The following PGPEP1L variants were observed in gnomAD, a reference collection of about 807,000 sequenced individuals.
PGPEP1L encodes pyroglutamyl-peptidase 1-like protein.
In PGPEP1L, 7 loss-of-function variants were observed where a neutral mutation model predicts 6.0. That is an observed-to-expected ratio of 1.17 (90% CI 0.66 to 2.19). The LOEUF (loss-of-function observed/expected upper bound fraction) is 2.19, where lower values mean the gene tolerates loss of function less well. Among genes scored for constraint, PGPEP1L ranks in the 30% most tolerant of loss-of-function variants. The probability of loss-of-function intolerance (pLI) is 0.00; values close to 1 mark genes in which losing one functional copy is unlikely to be tolerated. For missense variants in PGPEP1L, 209 were observed against 192.5 expected (o/e 1.09, Z -0.51); for synonymous variants, 103 against 83.9 (o/e 1.23, Z -1.24).
At chr15:98,986,447 G>C (rs2017748267) in intron 2 of PGPEP1L, among the ~76,000 whole-genome samples, 1 of 152,234 alleles carries the variant, frequency 6.6e-6, no homozygotes. Flanking sequence ...AGAGCTTCTT[G>C]ATGAGTGTCT....
At position 99,006,592 on chromosome 15, in the gene PGPEP1L, G is replaced by A. The variant is rs145241091; in HGVS notation, c.-370+767C>T. ...GCCTTTAATTTCAGCATTTTGAGAG[G>A]CCAAGGTAGGAGGATAGCCTGAGGC... On this transcript the variant is annotated intron_variant, in intron 1 of 4. Coordinates refer to ENST00000535714, the MANE Select transcript of PGPEP1L (RefSeq NM_001167902.2). Among the ~76,000 whole-genome samples the A allele has an allele frequency of 7.1e-3, 1,089 of 152,338 alleles. 13 individuals carry two copies. Among genetic ancestry groups the A allele is most frequent in the African/African-American group, 0.025 (1,038 of 41,578 alleles).
intron 2 of PGPEP1L, among the ~76,000 whole-genome samples, chr15:98,989,066 T>C (rs961493681): frequency 2.0e-5 from 3 of 152,142 alleles, no homozygotes; most frequent in Admixed American, 2.0e-4. Context: ...AAAACCAGAA[T>C]GCCTCTTCAC....
At chr15:98,973,205 T>A (rs1415256690) in intron 2 of PGPEP1L, among the ~76,000 whole-genome samples, 1 of 152,216 alleles carries the variant, frequency 6.6e-6, no homozygotes, top group Non-Finnish European at 1.5e-5. Context: ...AGCACCTGAA[T>A]ATATAAAACA....
At chr15:99,003,220 ACT>A (rs1372944245) in intron 2 of PGPEP1L, among the ~76,000 whole-genome samples, 13 of 149,840 alleles carry the variant, frequency 8.7e-5, no homozygotes, top group African/African-American at 3.2e-4. Context: ...AAAAAAAAGC[ACT>A]GAGAAGCCAG....
intron 2 of PGPEP1L, among the ~76,000 whole-genome samples, chr15:98,993,836 GAA>G (rs58824142): frequency 1.3e-5 from 2 of 150,320 alleles, no homozygotes; most frequent in Non-Finnish European, 3.0e-5. Context: ...ACAATTACAT[GAA>G]AAAAAAAGAG....
intron 2 of PGPEP1L, among the ~76,000 whole-genome samples, chr15:98,995,767 G>C (rs1555472447): frequency 2.6e-5 from 4 of 152,168 alleles, no homozygotes; most frequent in East Asian, 3.9e-4. Context: ...ATCAATTTTA[G>C]AATCTATCAC....
chr15:98,980,014 G>A (rs2017634461), intron 2 of PGPEP1L, among the ~76,000 whole-genome samples: 1 of 152,082 alleles, frequency 6.6e-6, no homozygotes. Context: ...ATGATACAAT[G>A]GACACTGGGG....
intron 1 of PGPEP1L, among the ~76,000 whole-genome samples, chr15:99,006,574 A>AT (rs2018067147): frequency 2.0e-5 from 3 of 152,262 alleles, no homozygotes; most frequent in Admixed American, 1.3e-4. Flanking sequence ...CACGCCTTTA[A>AT]TTTCAGCATT....
intron 2 of PGPEP1L, among the ~76,000 whole-genome samples, chr15:98,984,009 C>CTTTTTTTTTTTT (rs71456904): frequency 2.3e-4 from 27 of 115,782 alleles, no homozygotes; most frequent in Non-Finnish European, 2.9e-4. Context: ...AGTAAGTAGT[C>CTTTTTTTTTTTT]TTTTTTTTTT....
chr15:98,992,165 G>C (rs1044823419), intron 2 of PGPEP1L, among the ~76,000 whole-genome samples: 1 of 152,202 alleles, frequency 6.6e-6, no homozygotes, highest in South Asian at 2.1e-4. Context: ...AATTGTCTCT[G>C]TTTGCAGATG....
At chr15:98,976,622 CAT>C (rs774121218) in intron 2 of PGPEP1L, among the ~76,000 whole-genome samples, 70 of 152,230 alleles carry the variant, frequency 4.6e-4, no homozygotes, top group Non-Finnish European at 8.7e-4. Flanking sequence ...CAGATCAAAA[CAT>C]AGATGTTTTC....
At position 98,968,486 on chromosome 15, in the gene PGPEP1L, C is replaced by T. The variant is rs1436666384; in HGVS notation, c.421G>A (p.Gly141Arg). The change falls in exon 5 of 5, where the codon GGG (glycine) becomes AGG (arginine). Residue 141 changes from glycine to arginine, a missense_variant. Gly to Arg is a moderately radical substitution (Grantham distance 125). Transcript: ENST00000535714. ...ENSTMVLPAK[G>R]N ...GAGGAGCAATCCCCCGGTCAGTTCC[C>T]TTTGGCTGGAAGGACCATGGTTGAG... 1.2e-6 allele frequency: 2 copies of T among 1,613,134 alleles called. No homozygotes were observed. Among genetic ancestry groups the T allele is most frequent in the Non-Finnish European group, 1.7e-6 (2 of 1,179,560 alleles).
intron 2 of PGPEP1L, among the ~76,000 whole-genome samples, chr15:98,992,118 A>G (rs1460795215): frequency 1.3e-5 from 2 of 152,222 alleles, no homozygotes; most frequent in Non-Finnish European, 2.9e-5. Flanking sequence ...GGCAAGACAA[A>G]GAAATAAAGG....
rs879506574 is a variant in PGPEP1L at position 98,968,374 on chromosome 15, C to T, written c.*104G>A. On this transcript the variant is annotated 3_prime_UTR_variant, in exon 5 of 5. Transcript: ENST00000535714. ...TTGGGCTAATTCAGAGTTTTCCACC[C>T]TCTTTGTCTTACAAGCAATTTTTGA... 3.4e-6 allele frequency: 4 copies of T among 1,183,708 alleles called. No homozygotes were observed. The highest frequency in any genetic ancestry group is 4.8e-6 in the Non-Finnish European group (4 of 830,300). The allele number at this position is 1,183,708 out of a possible 1,614,324, so 73.3% of individuals were successfully genotyped here.
chr15:98,998,702 G>A (rs904524945), intron 2 of PGPEP1L, among the ~76,000 whole-genome samples: 3 of 152,198 alleles, frequency 2.0e-5, no homozygotes, highest in Non-Finnish European at 4.4e-5. Context: ...AAGTAGCCTG[G>A]CATGGTGGCT....
intron 2 of PGPEP1L, among the ~76,000 whole-genome samples, chr15:98,988,266 A>C (rs956390589): frequency 9.9e-5 from 15 of 152,156 alleles, no homozygotes; most frequent in Non-Finnish European, 1.9e-4. Context: ...GCAGCATAGC[A>C]GTCTGAGGTC....
chr15:98,984,171 C>T (rs566545163), intron 2 of PGPEP1L, among the ~76,000 whole-genome samples: 70 of 152,116 alleles, frequency 4.6e-4, no homozygotes, highest in Non-Finnish European at 8.8e-4. Context: ...CCACCACGCC[C>T]GGCTAATTTT....
At chr15:98,979,633 CTTT>C (rs568793204) in intron 2 of PGPEP1L, among the ~76,000 whole-genome samples, 46 of 46,424 alleles carry the variant, frequency 9.9e-4, no homozygotes, top group African/African-American at 1.9e-3. Flanking sequence ...GGAGACTATT[CTTT>C]TTTTTTTTTT....
intron 1 of PGPEP1L, among the ~76,000 whole-genome samples, 183 bp downstream of exon 1, chr15:99,007,176 A>G (rs561683919): frequency 6.6e-6 from 1 of 152,176 alleles, no homozygotes; most frequent in African/African-American, 2.4e-5. Context: ...ATTTGCTCCC[A>G]CTAGTCTCCC....
Sources: gnomAD v4.1 joint callset for allele counts (sites outside exome capture counted in the v4.1 genomes callset) on GRCh38, gnomAD v4.1.1 for gene constraint, MANE v1.5 for transcripts, NCBI Gene and HGNC (gene_info 2026-07-23, HGNC 2026-07-21) for gene names.